Variants in DCDC1 observed in about 807,000 individuals in gnomAD.
DCDC1 encodes the protein doublecortin domain containing 1, also known as doublecortin domain-containing protein 1.
DCDC1 carries 200 observed loss-of-function variants against 178.3 expected under a neutral mutation model. The observed-to-expected ratio is 1.12, with a 90% CI of 1.00 to 1.26. DCDC1 has a LOEUF of 1.26. Among genes scored for constraint, DCDC1 ranks in the 50% most tolerant of loss-of-function variants. DCDC1 has a pLI of 0.00. For missense variants in DCDC1, 1,983 were observed against 1,749.2 expected, an observed-to-expected ratio of 1.13 and a Z score of -2.38; for synonymous variants, 690 against 604.8, an observed-to-expected ratio of 1.14 and a Z score of -2.07.
At chr11:31,297,147 C>A (rs936013714) in intron 6 of DCDC1, among the ~76,000 whole-genome samples, 1 of 152,106 alleles carries the variant, frequency 6.6e-6, no homozygotes, top group Non-Finnish European at 1.5e-5. Flanking sequence ...CATGCCAACA[C>A]AGAGAAACTG....
At chr11:30,912,655 C>T (rs528210567) in intron 27 of DCDC1, among the ~76,000 whole-genome samples, 6 of 152,268 alleles carry the variant, frequency 3.9e-5, no homozygotes, top group South Asian at 2.1e-4. Context: ...AAGCTCTGGC[C>T]AGGTACACCA....
chr11:31,345,175 T>C (rs61879889), intron 1 of DCDC1, among the ~76,000 whole-genome samples: 2 of 152,008 alleles, frequency 1.3e-5, no homozygotes, highest in Non-Finnish European at 2.9e-5. Context: ...TATTATAGTA[T>C]GTGGTTATTG....
At chr11:31,125,967 T>C (rs1961558058) in intron 11 of DCDC1, among the ~76,000 whole-genome samples, 1 of 151,980 alleles carries the variant, frequency 6.6e-6, no homozygotes. Context: ...GGAGTATATA[T>C]GAGAGAGACA....
chr11:31,343,727 T>G (rs535748992), intron 1 of DCDC1, among the ~76,000 whole-genome samples: 1 of 152,222 alleles, frequency 6.6e-6, no homozygotes, highest in Admixed American at 6.5e-5. Context: ...ATGACCAGTC[T>G]GGCCAACATA....
chr11:30,888,150 GAAA>G (rs1943453933), intron 36 of DCDC1, among the ~76,000 whole-genome samples: 6 of 135,030 alleles, frequency 4.4e-5, no homozygotes, highest in African/African-American at 1.6e-4. Flanking sequence ...AAGAAAGAAA[GAAA>G]GAAAGAAAGG....
chr11:31,034,319 G>A (rs1057456200), intron 20 of DCDC1, among the ~76,000 whole-genome samples: 3 of 151,906 alleles, frequency 2.0e-5, no homozygotes, highest in African/African-American at 7.3e-5. Context: ...AGTAAGTTAA[G>A]GTTAATTTAT....
chr11:31,333,416 T>A (rs1008699099), intron 2 of DCDC1, among the ~76,000 whole-genome samples: 2 of 152,334 alleles, frequency 1.3e-5, no homozygotes, highest in Non-Finnish European at 2.9e-5. Flanking sequence ...TTTGATCCTG[T>A]CATTATGATG....
At chr11:30,927,179 C>A (rs111330080) in intron 22 of DCDC1, among the ~76,000 whole-genome samples, 4,110 of 152,106 alleles carry the variant, frequency 0.027, 183 homozygotes, top group African/African-American at 0.093. Flanking sequence ...GACAGCTGCC[C>A]CTTACAATGT....
intron 9 of DCDC1, among the ~76,000 whole-genome samples, chr11:31,216,109 C>G (rs912346672): frequency 6.6e-6 from 1 of 151,962 alleles, no homozygotes; most frequent in African/African-American, 2.4e-5. Context: ...GAAAGGACAC[C>G]AAGAAACTTC....
At chr11:31,099,105 G>C (rs1032065070) in intron 15 of DCDC1, among the ~76,000 whole-genome samples, 8 of 152,282 alleles carry the variant, frequency 5.3e-5, no homozygotes, top group East Asian at 3.9e-4. Flanking sequence ...AAAGCAAAGA[G>C]AAAAGCCTCC....
intron 20 of DCDC1, among the ~76,000 whole-genome samples, chr11:31,055,456 A>T (rs1314074046): frequency 6.6e-6 from 1 of 152,182 alleles, no homozygotes; most frequent in East Asian, 1.9e-4. Context: ...ATTCCTTAAG[A>T]ACTAAAAGTA....
intron 8 of DCDC1, among the ~76,000 whole-genome samples, chr11:31,250,415 C>CAT (rs753411919): frequency 2.7e-5 from 2 of 73,672 alleles, no homozygotes; most frequent in African/African-American, 1.0e-4. Flanking sequence ...CACACACACA[C>CAT]ATATACATAT....
intron 2 of DCDC1, among the ~76,000 whole-genome samples, chr11:31,335,055 C>T (rs894073112): frequency 3.9e-5 from 6 of 152,180 alleles, no homozygotes; most frequent in Admixed American, 3.3e-4. Context: ...GAGGGCTCTG[C>T]CCCGTTCAAG....
chr11:31,138,679 T>C (rs1228941594), intron 9 of DCDC1, among the ~76,000 whole-genome samples: 1 of 152,208 alleles, frequency 6.6e-6, no homozygotes, highest in Non-Finnish European at 1.5e-5. Context: ...GTGTTGTTAT[T>C]TGAAGTAAGC....
At chr11:31,049,783 C>G (rs1955115538) in intron 20 of DCDC1, among the ~76,000 whole-genome samples, 1 of 152,140 alleles carries the variant, frequency 6.6e-6, no homozygotes, top group Non-Finnish European at 1.5e-5. Context: ...TCCAACTTTA[C>G]TTGGAGCTGA....
At chr11:30,871,891 T>C (rs957963696) in intron 38 of DCDC1, among the ~76,000 whole-genome samples, 1 of 151,522 alleles carries the variant, frequency 6.6e-6, no homozygotes, top group Non-Finnish European at 1.5e-5. Context: ...TACATATATA[T>C]ACACATATAT....
chr11:31,021,090 C>T (rs1289152943), intron 20 of DCDC1, among the ~76,000 whole-genome samples: 1 of 152,138 alleles, frequency 6.6e-6, no homozygotes, highest in Non-Finnish European at 1.5e-5. Flanking sequence ...CTTGTATTAT[C>T]AAAGCTATGT....
At chr11:31,179,226 T>C (rs913133403) in intron 9 of DCDC1, among the ~76,000 whole-genome samples, 3 of 152,180 alleles carry the variant, frequency 2.0e-5, no homozygotes. Context: ...AAGGAAAACC[T>C]ACATACTGTT....
chr11:31,131,954 A>G (rs890257823), intron 10 of DCDC1, among the ~76,000 whole-genome samples: 1 of 152,198 alleles, frequency 6.6e-6, no homozygotes, highest in African/African-American at 2.4e-5. Context: ...TGTGACATCA[A>G]AAATCAACCA....
Sources: allele counts gnomAD v4.1 joint callset (sites outside exome capture counted in the v4.1 genomes callset), GRCh38; gene constraint gnomAD v4.1.1; transcripts MANE v1.5; gene names NCBI Gene and HGNC (gene_info 2026-07-23, HGNC 2026-07-21).